The following EXOC5 variants were observed in gnomAD, a reference collection of about 807,000 sequenced individuals.
The protein encoded by EXOC5 is exocyst complex component 5.
EXOC5 carries 17 observed loss-of-function variants against 90.8 expected under a neutral mutation model. The observed-to-expected ratio is 0.19, with a 90% CI of 0.13 to 0.28. The LOEUF (loss-of-function observed/expected upper bound fraction) is 0.28, where lower values mean the gene tolerates loss of function less well. EXOC5 is among the 10% of genes least tolerant of loss of function. EXOC5 has a pLI of 1.00. For synonymous variants in EXOC5, 260 were observed against 270.0 expected, an observed-to-expected ratio of 0.96 and a Z score of 0.36; for missense variants, 569 against 830.6, an observed-to-expected ratio of 0.69 and a Z score of 3.87.
chr14:57,259,076 A>G (rs1319133497), intron 1 of EXOC5, among the ~76,000 whole-genome samples: 2 of 151,842 alleles, frequency 1.3e-5, no homozygotes, highest in African/African-American at 4.8e-5. Context: ...ACTTCCCTAT[A>G]TAATTCCTAC....
At chr14:57,244,869 C>T (rs1228969136) in intron 3 of EXOC5, among the ~76,000 whole-genome samples, 1 of 151,970 alleles carries the variant, frequency 6.6e-6, no homozygotes, top group Non-Finnish European at 1.5e-5. Context: ...TGGTGGTGGG[C>T]CCTGCAACCC....
chr14:57,242,657 G>A (rs557776566), intron 4 of EXOC5, among the ~76,000 whole-genome samples: 1 of 152,286 alleles, frequency 6.6e-6, no homozygotes, highest in East Asian at 1.9e-4. Context: ...ATCACACACT[G>A]GTCTAGCTCT....
In EXOC5 at chr14:57,234,364, C is replaced by T. The variant is rs1170949978; in HGVS notation, c.670-332G>A. 2.6e-5 allele frequency among the ~76,000 whole-genome samples: 4 copies of T among 151,642 alleles called. No homozygotes were observed. In the East Asian group the frequency reaches 5.8e-4, roughly 22 times the overall value. On this transcript the variant is annotated intron_variant, in intron 7 of 17. Coordinates refer to ENST00000621441, the MANE Select transcript of EXOC5 (RefSeq NM_006544.4). Reference sequence around the variant, plus strand: ...AGCCATCTCCTTCAACTCCAAAACACACCCACTCACACCCACCCACACACA... The same window carrying T: ...AGCCATCTCCTTCAACTCCAAAACATACCCACTCACACCCACCCACACACA...
At chr14:57,234,486 T>C (rs988581269) in intron 7 of EXOC5, among the ~76,000 whole-genome samples, 2 of 149,240 alleles carry the variant, frequency 1.3e-5, no homozygotes, top group African/African-American at 4.9e-5. Context: ...AATATATTTA[T>C]ATATATTAAA....
chr14:57,227,386 G>C (rs1883340439), intron 12 of EXOC5, among the ~76,000 whole-genome samples: 4 of 151,992 alleles, frequency 2.6e-5, no homozygotes, highest in Admixed American at 2.0e-4. Flanking sequence ...TTGTTGTATA[G>C]TTTTCTACTG....
chr14:57,222,401 C>T lies in EXOC5; in HGVS notation c.1312G>A (p.Asp438Asn). 6.3e-7 allele frequency: 1 copy of T among 1,592,016 alleles called. No homozygotes were observed. Among genetic ancestry groups the T allele is most frequent in the Non-Finnish European group, 8.6e-7 (1 of 1,165,082 alleles). ...ERCHRLSDPS[D>N]LPRNAFRIFT... Reference sequence around the variant, plus strand: ...ATTCTGAAGGCATTCCTTGGTAAGTCAGAAGGATCAGAGAGCTTAAAAACA... The same window carrying T: ...ATTCTGAAGGCATTCCTTGGTAAGTTAGAAGGATCAGAGAGCTTAAAAACA... Residue 438 changes from aspartate (D) to asparagine (N), a missense_variant, in exon 13 of 18, where the codon GAC becomes AAC. This residue lies in a region of EXOC5 where 56 missense variants were observed against 51.1 expected (regional missense o/e 1.10). Transcript: ENST00000621441.
chr14:57,260,027 C>CA (rs1366124384), intron 1 of EXOC5, among the ~76,000 whole-genome samples: 10 of 152,156 alleles, frequency 6.6e-5, no homozygotes, highest in Non-Finnish European at 8.8e-5. Context: ...TTACATGGTA[C>CA]TATCAATCAA....
intron 1 of EXOC5, among the ~76,000 whole-genome samples, chr14:57,267,601 G>T (rs1285070339): frequency 6.6e-6 from 1 of 152,094 alleles, no homozygotes; most frequent in Non-Finnish European, 1.5e-5. Flanking sequence ...ACACAAAAAA[G>T]GGGTCTTTCT....
chr14:57,217,395 T>G (rs1158087840), intron 15 of EXOC5, among the ~76,000 whole-genome samples: 3 of 152,186 alleles, frequency 2.0e-5, no homozygotes, highest in African/African-American at 7.2e-5. Context: ...ATGTGTTCAC[T>G]TTGTGTTTCT....
rs10137379 is a variant in EXOC5 at position 57,208,149 on chromosome 14, T to C, written c.*460A>G. The C allele has an allele frequency of 0.22, 33,503 of 153,034 alleles. 5,190 individuals carry two copies. The highest frequency in any genetic ancestry group is 0.45 in the African/African-American group (18,569 of 41,504). 9.5% of individuals were successfully genotyped at this position (153,034 alleles called of 1,614,324 possible). A position where few individuals can be genotyped will look rare whatever the true frequency, so the allele number is the denominator to read the frequency against. ...AAACCTAAAATAATCTGATTAACAA[T>C]TGATGCTGAAAAGGTCATTAAAAAC... On this transcript the variant is annotated 3_prime_UTR_variant, in exon 18 of 18. Transcript: ENST00000621441.
At chr14:57,228,459 GC>G (rs1244207035) in intron 12 of EXOC5, among the ~76,000 whole-genome samples, 1 of 152,080 alleles carries the variant, frequency 6.6e-6, no homozygotes, top group East Asian at 1.9e-4. Context: ...CAACCCAAAT[GC>G]CCATCAATGA....
At position 57,204,864 on chromosome 14, in the gene EXOC5, T is replaced by TA. The variant is rs1882603222; in HGVS notation, c.*3744dup. The TA allele has an allele frequency of 6.6e-6, 1 of 152,300 alleles. No individual in the cohort carries two copies. Among genetic ancestry groups the TA allele is most frequent in the South Asian group, 2.1e-4 (1 of 4,824 alleles). 9.4% of individuals were successfully genotyped at this position (152,300 alleles called of 1,614,324 possible). On this transcript the variant is annotated 3_prime_UTR_variant, in exon 18 of 18. Transcript: ENST00000621441. ...CTGTATGCCAACTTTGTAATATAAA[T>TA]ACTACAATAAGAATCATATTGGAAG... is the stretch of plus-strand genomic sequence containing the variant.
intron 1 of EXOC5, among the ~76,000 whole-genome samples, chr14:57,259,041 A>G (rs1228295732): frequency 6.6e-6 from 1 of 152,172 alleles, no homozygotes; most frequent in Non-Finnish European, 1.5e-5. Context: ...CAAATCATTA[A>G]AACACTACCT....
intron 4 of EXOC5, among the ~76,000 whole-genome samples, chr14:57,241,030 T>C (rs1594670545): frequency 6.6e-6 from 1 of 152,222 alleles, no homozygotes; most frequent in East Asian, 1.9e-4. Flanking sequence ...TTTGGTATTT[T>C]TTTAGTAGAG....
At chr14:57,224,206 G>A (rs1427213731) in intron 12 of EXOC5, among the ~76,000 whole-genome samples, 1 of 151,882 alleles carries the variant, frequency 6.6e-6, no homozygotes, top group East Asian at 1.9e-4. Context: ...ACCCAAGTAA[G>A]CAGAATAACA....
chr14:57,265,323 G>C lies in EXOC5; in HGVS notation c.27+3299C>G, dbSNP rs182057555. Among the ~76,000 whole-genome samples, 493 of 152,230 alleles carry C rather than the reference G, an allele frequency of 3.2e-3. 4 individuals are homozygous for C. The highest frequency in any genetic ancestry group is 0.011 in the African/African-American group (465 of 41,544). On this transcript the variant is annotated intron_variant, in intron 1 of 17. Coordinates refer to ENST00000621441, the MANE Select transcript of EXOC5 (RefSeq NM_006544.4). ...CTCTCCCGTAATGGTAGCCCAAACA[G>C]AGAAAAGCGAAGATTCTTGAAGAAT... is the stretch of plus-strand genomic sequence containing the variant.
At chr14:57,218,569 C>G (rs1883037076) in intron 14 of EXOC5, among the ~76,000 whole-genome samples, 1 of 151,918 alleles carries the variant, frequency 6.6e-6, no homozygotes, top group Non-Finnish European at 1.5e-5. Flanking sequence ...TCAAAACATT[C>G]AAAATATTAA....
intron 1 of EXOC5, among the ~76,000 whole-genome samples, chr14:57,254,644 G>T (rs990699042): frequency 6.6e-6 from 1 of 152,146 alleles, no homozygotes; most frequent in African/African-American, 2.4e-5. Flanking sequence ...TTCATAGGTT[G>T]AAGACTTAAC....
intron 12 of EXOC5, among the ~76,000 whole-genome samples, chr14:57,225,306 A>G (rs1478600322): frequency 1.3e-5 from 2 of 152,182 alleles, no homozygotes; most frequent in Non-Finnish European, 2.9e-5. Context: ...AAAACCACTC[A>G]GCTAAGTAGG....
Sources: gnomAD v4.1 joint callset for allele counts (sites outside exome capture counted in the v4.1 genomes callset) on GRCh38, gnomAD v4.1.1 for gene constraint, gnomAD v4.1.1 regional missense constraint, MANE v1.5 for transcripts, NCBI Gene and HGNC (gene_info 2026-07-23, HGNC 2026-07-21) for gene names.